EGFLAM: variants seen among roughly 807,000 people sequenced by gnomAD.
EGFLAM encodes pikachurin.
Under a neutral mutation model 113.1 loss-of-function variants are expected in EGFLAM, and 79 were observed. The observed-to-expected ratio is 0.70, with a 90% CI of 0.58 to 0.84. The LOEUF is 0.84. Among genes scored for constraint, EGFLAM ranks in the 40% least tolerant of loss-of-function variants. The probability of loss-of-function intolerance (pLI) is 0.00; values close to 1 mark genes in which losing one functional copy is unlikely to be tolerated. For synonymous variants in EGFLAM, 504 were observed against 487.6 expected, an observed-to-expected ratio of 1.03 and a Z score of -0.44; for missense variants, 1,265 against 1,291.6, an observed-to-expected ratio of 0.98 and a Z score of 0.32.
chr5:38,412,471 A>C, intron 10 of EGFLAM, 33 bp from the exon 11 acceptor site: 1 of 1,614,004 alleles, frequency 6.2e-7, no homozygotes, highest in Non-Finnish European at 8.5e-7. Flanking sequence ...CTGGTTCGTC[A>C]AGAAATCTTC....
At chr5:38,296,972 A>G (rs1465315461) in intron 1 of EGFLAM, among the ~76,000 whole-genome samples, 1 of 152,186 alleles carries the variant, frequency 6.6e-6, no homozygotes, top group Non-Finnish European at 1.5e-5. Context: ...GGGATATTTT[A>G]CAAAACAACC....
intron 12 of EGFLAM, 113 bp downstream of exon 12, chr5:38,418,368 G>A: frequency 7.5e-7 from 1 of 1,338,772 alleles, no homozygotes; most frequent in Non-Finnish European, 1.0e-6. Flanking sequence ...ACCCTGGGAA[G>A]CTGGTACCTT....
intron 3 of EGFLAM, among the ~76,000 whole-genome samples, chr5:38,344,101 A>T (rs1739414357): frequency 6.6e-6 from 1 of 152,242 alleles, no homozygotes; most frequent in Admixed American, 6.5e-5. Flanking sequence ...TCATGTAAGG[A>T]GGTAAAGGCA....
chr5:38,438,227 A>G (rs1742414387), intron 16 of EGFLAM, 48 bp from the exon 17 acceptor site: 1 of 1,585,658 alleles, frequency 6.3e-7, no homozygotes, highest in Non-Finnish European at 8.6e-7. Context: ...AGAAGACTAC[A>G]AAGATGTTTC....
At chr5:38,405,753 A>C (rs1335161488) in intron 6 of EGFLAM, among the ~76,000 whole-genome samples, 1 of 152,204 alleles carries the variant, frequency 6.6e-6, no homozygotes, top group Non-Finnish European at 1.5e-5. Context: ...GGTATGAACA[A>C]ACATCTACTT....
chr5:38,316,600 A>G (rs565305284), intron 1 of EGFLAM, among the ~76,000 whole-genome samples: 1 of 152,092 alleles, frequency 6.6e-6, no homozygotes, highest in Admixed American at 6.5e-5. Context: ...TCATTCCCCC[A>G]TTTTTGTGAT....
intron 6 of EGFLAM, among the ~76,000 whole-genome samples, chr5:38,375,339 CAT>C (rs1054197027): frequency 6.6e-6 from 1 of 152,212 alleles, no homozygotes; most frequent in African/African-American, 2.4e-5. Flanking sequence ...AGAATTTCCA[CAT>C]GTCGGGCTTA....
At chr5:38,317,829 A>G (rs1196408391) in intron 1 of EGFLAM, among the ~76,000 whole-genome samples, 1 of 152,208 alleles carries the variant, frequency 6.6e-6, no homozygotes, top group Non-Finnish European at 1.5e-5. Flanking sequence ...CAGAGGCCAG[A>G]TTCTGGCCCA....
rs947293451 is a variant in EGFLAM, at chr5:38,258,639, C to A, written c.-116C>A. The A allele has an allele frequency of 5.0e-6, 6 of 1,208,682 alleles. No individual in the cohort carries two copies. The highest frequency in any genetic ancestry group is 1.3e-5 in the South Asian group (1 of 76,356). The allele number at this position is 1,208,682 out of a possible 1,614,324, so 74.9% of individuals were successfully genotyped here. A position where few individuals can be genotyped will look rare whatever the true frequency, so the allele number is the denominator to read the frequency against. On this transcript the variant is annotated 5_prime_UTR_variant, in exon 1 of 22. Coordinates refer to ENST00000322350, the MANE Select transcript of EGFLAM (RefSeq NM_152403.4). ...TCCGGGCCCAGCCCTCGCAGCCCCC[C>A]ACCTCCTCGCCCCGGCCCGGGGATC...
At chr5:38,438,122 CA>C (rs376621912) in intron 16 of EGFLAM, among the ~76,000 whole-genome samples, 152 bp from the exon 17 acceptor site, 22,698 of 97,318 alleles carry the variant, frequency 0.23, 1,633 homozygotes, top group Admixed American at 0.26. Context: ...ACTCCATCTC[CA>C]AAAAAAAAAA....
intron 21 of EGFLAM, 50 bp from the exon 22 acceptor site, chr5:38,463,782 G>C (rs779208212): frequency 1.2e-6 from 2 of 1,600,808 alleles, no homozygotes; most frequent in East Asian, 2.2e-5. Flanking sequence ...ACCTTGCCCT[G>C]CGGACACCTG....
chr5:38,333,334 G>A (rs1739094744), intron 1 of EGFLAM, among the ~76,000 whole-genome samples: 1 of 152,154 alleles, frequency 6.6e-6, no homozygotes, highest in South Asian at 2.1e-4. Context: ...GGATTGCTGG[G>A]TCGAATGGTA....
chr5:38,284,362 T>C (rs1014931144), intron 1 of EGFLAM, among the ~76,000 whole-genome samples: 5 of 152,234 alleles, frequency 3.3e-5, no homozygotes, highest in South Asian at 2.1e-4. Context: ...TGTTCACTTT[T>C]ATTTCTATTT....
intron 12 of EGFLAM, among the ~76,000 whole-genome samples, chr5:38,419,523 GACC>G (rs1457626096): frequency 6.6e-6 from 1 of 152,100 alleles, no homozygotes; most frequent in Non-Finnish European, 1.5e-5. Context: ...GCATTTTCTT[GACC>G]ACATATCAAT....
chr5:38,394,263 G>T (rs1052266211), intron 6 of EGFLAM, among the ~76,000 whole-genome samples: 5 of 151,910 alleles, frequency 3.3e-5, no homozygotes, highest in African/African-American at 1.2e-4. Flanking sequence ...TTTCACTTAG[G>T]GCTGTGGTTC....
intron 19 of EGFLAM, among the ~76,000 whole-genome samples, chr5:38,452,281 T>G (rs1210206859): frequency 6.6e-6 from 1 of 152,016 alleles, no homozygotes; most frequent in Non-Finnish European, 1.5e-5. Flanking sequence ...ATCCACCCGC[T>G]TCGGCCTCCC....
rs752847461 is a variant in EGFLAM at position 38,407,064 on chromosome 5, C to A, written c.1065C>A (p.Asp355Glu). 4 of 1,614,180 alleles carry A rather than the reference C, an allele frequency of 2.5e-6. No individual in the cohort carries two copies. Among genetic ancestry groups the A allele is most frequent in the Non-Finnish European group, 3.4e-6 (4 of 1,180,038 alleles). The change falls in exon 8 of 22, where the codon GAC becomes GAA. Residue 355 changes from aspartate (D) to glutamate (E), a missense_variant. Coordinates refer to ENST00000322350, the MANE Select transcript of EGFLAM (RefSeq NM_152403.4). ...MPCDETLCSADSFCVNDYTWG... is the reference protein window; with the variant it reads ...MPCDETLCSAESFCVNDYTWG... ...GTGATGAAACTCTCTGCTCTGCTGACAGCTTCTGTGTCAATGACTACACCT... is the reference window on the plus strand; with the variant it reads ...GTGATGAAACTCTCTGCTCTGCTGAAAGCTTCTGTGTCAATGACTACACCT...
At chr5:38,396,262 G>C (rs1035051723) in intron 6 of EGFLAM, among the ~76,000 whole-genome samples, 2 of 138,854 alleles carry the variant, frequency 1.4e-5, no homozygotes, top group East Asian at 1.9e-4. Flanking sequence ...CAGAAGGAGA[G>C]AGAGAGAGAG....
intron 5 of EGFLAM, among the ~76,000 whole-genome samples, chr5:38,359,414 C>A (rs970269863): frequency 6.6e-6 from 1 of 152,186 alleles, no homozygotes; most frequent in African/African-American, 2.4e-5. Context: ...CAGTGGCTCA[C>A]GCCTGTAATC....
Sources: gnomAD v4.1 joint callset for allele counts (sites outside exome capture counted in the v4.1 genomes callset) on GRCh38, gnomAD v4.1.1 for gene constraint, MANE v1.5 for transcripts, NCBI Gene and HGNC (gene_info 2026-07-23, HGNC 2026-07-21) for gene names.